The following ACER3 variants were observed in gnomAD, a reference collection of about 807,000 sequenced individuals.
ACER3 encodes the protein alkCDase 3.
Under a neutral mutation model 48.9 loss-of-function variants are expected in ACER3, and 16 were observed. The observed-to-expected ratio is 0.33, with a 90% CI of 0.22 to 0.50. The LOEUF is 0.50. Ranked by LOEUF, ACER3 falls within the 20% of genes least tolerant of loss-of-function variation. The pLI, the probability that ACER3 is intolerant of heterozygous loss-of-function variation, is 0.98. For synonymous variants in ACER3, 109 were observed against 107.8 expected (o/e 1.01, Z -0.07); for missense variants, 227 against 326.0 (o/e 0.70, Z 2.34).
At chr11:76,913,133 T>G (rs1368046366) in intron 1 of ACER3, among the ~76,000 whole-genome samples, 1 of 152,152 alleles carries the variant, frequency 6.6e-6, no homozygotes, top group Non-Finnish European at 1.5e-5. Flanking sequence ...TTGAAGCAAT[T>G]GTGAATGGGA....
intron 2 of ACER3, among the ~76,000 whole-genome samples, chr11:76,947,033 C>G (rs919896621): frequency 6.6e-6 from 1 of 152,214 alleles, no homozygotes; most frequent in Non-Finnish European, 1.5e-5. Flanking sequence ...CTTGAACCCT[C>G]TCTTTATTCA....
intron 1 of ACER3, among the ~76,000 whole-genome samples, chr11:76,915,464 T>C (rs1320184645): frequency 6.6e-6 from 1 of 151,946 alleles, no homozygotes; most frequent in African/African-American, 2.4e-5. Flanking sequence ...ACTTCACCAT[T>C]TTTGTCTCGA....
intron 3 of ACER3, among the ~76,000 whole-genome samples, chr11:76,962,403 A>G (rs7115053): frequency 0.11 from 17,051 of 150,832 alleles, 3,830 homozygotes; most frequent in African/African-American, 0.4. Flanking sequence ...TATTTTTAGT[A>G]GAGACGGGGT....
At chr11:76,949,018 G>A (rs940508869) in intron 2 of ACER3, among the ~76,000 whole-genome samples, 1 of 152,134 alleles carries the variant, frequency 6.6e-6, no homozygotes, top group Non-Finnish European at 1.5e-5. Context: ...TTCTAGTCTA[G>A]GTCTGATCCC....
chr11:76,976,202 T>C, intron 3 of ACER3, 87 bp from the exon 4 acceptor site: 10 of 1,052,432 alleles, frequency 9.5e-6, no homozygotes, highest in Non-Finnish European at 1.4e-5. Context: ...GCTGAAAATC[T>C]TAATCATTTT....
At chr11:76,968,610 A>G (rs1351322517) in intron 3 of ACER3, among the ~76,000 whole-genome samples, 1 of 152,208 alleles carries the variant, frequency 6.6e-6, no homozygotes, top group African/African-American at 2.4e-5. Context: ...GACCAATGGA[A>G]CAGAACAGAG....
intron 1 of ACER3, among the ~76,000 whole-genome samples, chr11:76,871,118 A>C (rs1261730797): frequency 2.6e-5 from 4 of 152,128 alleles, no homozygotes; most frequent in African/African-American, 9.7e-5. Flanking sequence ...GAAGATTTAA[A>C]CTCATGCTCT....
chr11:76,936,822 G>C (rs1477173031), intron 2 of ACER3, among the ~76,000 whole-genome samples: 1 of 151,372 alleles, frequency 6.6e-6, no homozygotes, highest in Non-Finnish European at 1.5e-5. Context: ...GGTTCAGGCA[G>C]TTCTCCTGCC....
At chr11:76,993,028 C>G (rs1047381235) in intron 6 of ACER3, among the ~76,000 whole-genome samples, 2 of 152,102 alleles carry the variant, frequency 1.3e-5, no homozygotes, top group African/African-American at 4.8e-5. Flanking sequence ...ACCACTACAA[C>G]AGGCTGTTTT....
At chr11:76,997,688 T>C (rs201090039) in intron 6 of ACER3, among the ~76,000 whole-genome samples, 10 of 140,282 alleles carry the variant, frequency 7.1e-5, no homozygotes, top group African/African-American at 2.4e-4. Flanking sequence ...AGAAAAAAAA[T>C]TAGCCAGGAT....
At chr11:76,951,860 G>GGTACCCACTGAATCAGA (rs1265616073) in intron 2 of ACER3, among the ~76,000 whole-genome samples, 6 of 152,068 alleles carry the variant, frequency 3.9e-5, no homozygotes, top group African/African-American at 1.4e-4. Context: ...CATGTACCAG[G>GGTACCCACTGAATCAGA]GTACCCACTG....
intron 6 of ACER3, among the ~76,000 whole-genome samples, chr11:76,997,509 GT>G (rs1451067315): frequency 6.6e-6 from 1 of 152,140 alleles, no homozygotes; most frequent in African/African-American, 2.4e-5. Flanking sequence ...CTAATACTAT[GT>G]TTACTCAGCT....
chr11:76,895,200 A>G (rs1945898896), intron 1 of ACER3, among the ~76,000 whole-genome samples: 1 of 152,194 alleles, frequency 6.6e-6, no homozygotes. Context: ...ACATTATTAT[A>G]TACTAAATCC....
At position 76,931,859 on chromosome 11, in the gene ACER3, TTGTGGG is replaced by T. The variant is rs555919540; in HGVS notation, c.214+5194_214+5199del. Among the ~76,000 whole-genome samples, 791 of 152,298 alleles carry T rather than the reference TTGTGGG, an allele frequency of 5.2e-3. 5 individuals are homozygous for T. The highest frequency in any genetic ancestry group is 8.5e-3 in the Non-Finnish European group (576 of 68,024). ...AGCTGTTAGTCTGATGGGCTTCCCT[TTGTGGG>T]TAACCCATCCTTTCTCTCTGACTGC... On this transcript the variant is annotated intron_variant, in intron 2 of 10. Transcript: ENST00000532485.
chr11:76,980,421 A>C (rs1948558927), intron 4 of ACER3, among the ~76,000 whole-genome samples: 1 of 152,160 alleles, frequency 6.6e-6, no homozygotes, highest in African/African-American at 2.4e-5. Flanking sequence ...TCACATCTGT[A>C]ATACCAGCAC....
chr11:77,002,194 G>T (rs1448341911), intron 7 of ACER3, among the ~76,000 whole-genome samples: 1 of 152,078 alleles, frequency 6.6e-6, no homozygotes, highest in Non-Finnish European at 1.5e-5. Flanking sequence ...AGGGGGTTAG[G>T]ACTTTAACAT....
chr11:76,864,756 C>T lies in ACER3; in HGVS notation c.103+3677C>T, dbSNP rs11236983. 2.7e-3 allele frequency among the ~76,000 whole-genome samples: 415 copies of T among 151,254 alleles called. 2 individuals carry two copies. The highest frequency in any genetic ancestry group is 4.8e-3 in the African/African-American group (200 of 41,314). ...CTGGGATTACAGGCGCATGCCACCA[C>T]GCCTGGCTAATTTTTGTATTTTTAG... On this transcript the variant is annotated intron_variant, in intron 1 of 10. Coordinates refer to ENST00000532485, the MANE Select transcript of ACER3 (RefSeq NM_018367.7).
At chr11:76,864,176 G>A (rs886863941) in intron 1 of ACER3, among the ~76,000 whole-genome samples, 5 of 152,194 alleles carry the variant, frequency 3.3e-5, no homozygotes, top group African/African-American at 1.2e-4. Flanking sequence ...GCCAAGATCA[G>A]TTTAAATTCC....
Position 77,020,535 on chromosome 11 carries a change from C to A in ACER3, c.*208C>A. On this transcript the variant is annotated 3_prime_UTR_variant, in exon 11 of 11. Coordinates refer to ENST00000532485, the MANE Select transcript of ACER3 (RefSeq NM_018367.7). ...ATGGCTTTATCTTATTTGTCCCCCT[C>A]CTCCTTTCACGCTCCAGTTTATAAA... 2 of 533,830 alleles carry A rather than the reference C, an allele frequency of 3.7e-6. No individual in the cohort carries two copies. The highest frequency in any genetic ancestry group is 6.7e-6 in the Non-Finnish European group (2 of 299,344). 33.1% of individuals were successfully genotyped at this position (533,830 alleles called of 1,614,324 possible). A position where few individuals can be genotyped will look rare whatever the true frequency, so the allele number is the denominator to read the frequency against.
Sources: allele counts gnomAD v4.1 joint callset (sites outside exome capture counted in the v4.1 genomes callset), GRCh38; gene constraint gnomAD v4.1.1; transcripts MANE v1.5; gene names NCBI Gene and HGNC (gene_info 2026-07-23, HGNC 2026-07-21).